ADAM17: variants seen among roughly 807,000 people sequenced by gnomAD.
The protein encoded by ADAM17 is ADAM metallopeptidase domain 17.
Under a neutral mutation model 96.7 loss-of-function variants are expected in ADAM17, and 39 were observed. The ratio of observed to expected loss-of-function variants is 0.40; its 90% CI spans 0.31 to 0.53. The LOEUF (loss-of-function observed/expected upper bound fraction) is 0.53, where lower values mean the gene tolerates loss of function less well. Among genes scored for constraint, ADAM17 ranks in the 20% least tolerant of loss-of-function variants. The pLI, the probability that ADAM17 is intolerant of heterozygous loss-of-function variation, is 0.44. For missense variants in ADAM17, 777 were observed against 1,013.2 expected (o/e 0.77, Z 3.17); for synonymous variants, 344 against 359.2 (o/e 0.96, Z 0.48).
rs1572866131 is a variant in ADAM17 at position 9,489,744 on chromosome 2, A to C, written c.*433T>G. On this transcript the variant is annotated 3_prime_UTR_variant, in exon 19 of 19. Transcript: ENST00000310823. ...TGAAGGCAAAAAAAAAAAAAAAAAA[A>C]AAAAACTATTCCAGTTGTCATCACA... The C allele has an allele frequency of 6.6e-6, 1 of 151,226 alleles. No individual in the cohort carries two copies. Among genetic ancestry groups the C allele is most frequent in the Non-Finnish European group, 1.5e-5 (1 of 68,142 alleles). The allele number at this position is 151,226 out of a possible 1,614,324, so 9.4% of individuals were successfully genotyped here. A position where few individuals can be genotyped will look rare whatever the true frequency, so the allele number is the denominator to read the frequency against.
intron 6 of ADAM17, among the ~76,000 whole-genome samples, chr2:9,523,727 C>T (rs1019712077): frequency 2.6e-5 from 4 of 152,190 alleles, no homozygotes; most frequent in African/African-American, 7.2e-5. Flanking sequence ...CAAGTGTCCA[C>T]TTACATATGG....
chr2:9,544,504 G>A (rs1558526174), intron 1 of ADAM17, among the ~76,000 whole-genome samples: 2 of 151,448 alleles, frequency 1.3e-5, no homozygotes, highest in Non-Finnish European at 1.5e-5. Flanking sequence ...TAGCCTGGGC[G>A]ACAGAGCAAG....
chr2:9,495,860 C>CT (rs34087915), intron 14 of ADAM17, among the ~76,000 whole-genome samples: 510 of 138,658 alleles, frequency 3.7e-3, no homozygotes, highest in East Asian at 8.1e-3. Flanking sequence ...TACGTGTTAC[C>CT]TTTTTTTTTT....
At chr2:9,531,556 G>T (rs759886214) in intron 4 of ADAM17, among the ~76,000 whole-genome samples, 18 of 152,022 alleles carry the variant, frequency 1.2e-4, no homozygotes, top group Non-Finnish European at 2.2e-4. Flanking sequence ...ATAAAAACTA[G>T]CCGGGCACAG....
intron 2 of ADAM17, among the ~76,000 whole-genome samples, chr2:9,542,731 C>G (rs1665257859): frequency 6.6e-6 from 1 of 152,314 alleles, no homozygotes; most frequent in South Asian, 2.1e-4. Flanking sequence ...CAGAGTCTCA[C>G]TCTGTTGCCC....
intron 13 of ADAM17, 62 bp downstream of exon 13, chr2:9,502,111 T>C: frequency 7.1e-7 from 1 of 1,416,796 alleles, no homozygotes; most frequent in Non-Finnish European, 9.9e-7. Flanking sequence ...CATAATCTTG[T>C]TTTTCAAAGA....
At chr2:9,551,681 G>A (rs4464249) in intron 1 of ADAM17, among the ~76,000 whole-genome samples, 9,720 of 152,142 alleles carry the variant, frequency 0.064, 1,098 homozygotes, top group African/African-American at 0.22. Flanking sequence ...GGATGGTCTC[G>A]ATCTCCTGAC....
In ADAM17 at chr2:9,502,242, A is replaced by G. The variant is rs779339431; in HGVS notation, c.1579T>C (p.Phe527Leu). Residue 527 changes from phenylalanine (F) to leucine (L), a missense_variant, in exon 13 of 19, where the codon TTT becomes CTT. Phe to Leu is a conservative substitution (Grantham distance 22, BLOSUM62 0). Around this residue, in one of 3 missense-constraint regions of ADAM17, gnomAD observed 446 missense variants for 664.7 expected, o/e 0.67. Coordinates refer to ENST00000310823, the MANE Select transcript of ADAM17 (RefSeq NM_003183.6). Reference sequence around the variant, plus strand: ...TGGCACTTCTTCTGGGCAGTCTCAAACTGACAGTTTTTACAGCAAGGACTG... The same window carrying G: ...TGGCACTTCTTCTGGGCAGTCTCAAGCTGACAGTTTTTACAGCAAGGACTG... Reference protein sequence around the residue: ...RNSPCCKNCQFETAQKKCQEA... With the variant: ...RNSPCCKNCQLETAQKKCQEA... 1 of 1,614,026 alleles carries G rather than the reference A, an allele frequency of 6.2e-7. No individual in the cohort carries two copies. The highest frequency in any genetic ancestry group is 8.5e-7 in the Non-Finnish European group (1 of 1,180,014).
rs370096438 is a variant in ADAM17 at position 9,536,129 on chromosome 2, C to T, written c.362-207G>A. ...TCAAGTTTAGTCACTTGAAACCTAT[C>T]CCTTTCCCAAAACAAACAAAACTGC... On this transcript the variant is annotated intron_variant, in intron 3 of 18. Coordinates refer to ENST00000310823, the MANE Select transcript of ADAM17 (RefSeq NM_003183.6). Among the ~76,000 whole-genome samples the T allele has an allele frequency of 8.2e-4, 125 of 152,208 alleles. 2 individuals are homozygous for T. In the South Asian group the frequency reaches 0.013, roughly 16 times the overall value.
At chr2:9,533,146 G>A (rs1294934926) in intron 4 of ADAM17, among the ~76,000 whole-genome samples, 2 of 151,796 alleles carry the variant, frequency 1.3e-5, no homozygotes, top group East Asian at 1.9e-4. Flanking sequence ...CCGAGATCGC[G>A]CCATTGCACT....
intron 1 of ADAM17, among the ~76,000 whole-genome samples, chr2:9,551,442 T>C (rs1237556498): frequency 2.0e-5 from 3 of 152,190 alleles, no homozygotes; most frequent in Admixed American, 1.3e-4. Context: ...AGTCTAAATA[T>C]AAAATTCATT....
intron 2 of ADAM17, 45 bp downstream of exon 2, chr2:9,543,108 A>C: frequency 6.6e-7 from 1 of 1,515,882 alleles, no homozygotes. Context: ...TTGCCAAACC[A>C]AGCCCCCAGT....
chr2:9,502,384 C>T (rs1424235423), intron 12 of ADAM17, 108 bp from the exon 13 acceptor site: 1 of 920,052 alleles, frequency 1.1e-6, no homozygotes, highest in Non-Finnish European at 1.7e-6. Flanking sequence ...GGGAAGACCT[C>T]CTGGCTCCGT....
At chr2:9,510,201 T>G in intron 10 of ADAM17, 70 bp from the exon 11 acceptor site, 2 of 1,528,778 alleles carry the variant, frequency 1.3e-6, no homozygotes, top group Non-Finnish European at 1.8e-6. Context: ...CAGTTGGGCC[T>G]ATGCTGTCTT....
chr2:9,525,204 CAGG>C (rs1664469894), intron 6 of ADAM17, among the ~76,000 whole-genome samples: 1 of 149,564 alleles, frequency 6.7e-6, no homozygotes, highest in Non-Finnish European at 1.5e-5. Flanking sequence ...GATGCTGAGG[CAGG>C]AGAATTGCTT....
chr2:9,518,032 A>G, intron 9 of ADAM17, 43 bp from the exon 10 acceptor site: 2 of 1,576,764 alleles, frequency 1.3e-6, no homozygotes, highest in Non-Finnish European at 1.7e-6. Context: ...TATTAAATAC[A>G]GAATTATAAT....
At position 9,523,256 on chromosome 2, in the gene ADAM17, A is replaced by C; in HGVS notation, c.836T>G (p.Ile279Arg). 6.2e-7 allele frequency: 1 copy of C among 1,606,236 alleles called. No homozygotes were observed. The highest frequency in any genetic ancestry group is 8.5e-7 in the Non-Finnish European group (1 of 1,173,994). ...NAGFKGYGIQ[I>R]EQIRILKSPQ... ...ATATCTATTGATAAATACCTGCTCT[A>C]TCTGTATTCCATAGCCTTTAAAACC... The change falls in exon 7 of 19, where the codon ATA (isoleucine) becomes AGA (arginine). Residue 279 changes from isoleucine (I) to arginine (R), a missense_variant. Coordinates refer to ENST00000310823, the MANE Select transcript of ADAM17 (RefSeq NM_003183.6).
At chr2:9,502,438 C>T (rs1365387994) in intron 12 of ADAM17, among the ~76,000 whole-genome samples, 162 bp from the exon 13 acceptor site, 1 of 152,198 alleles carries the variant, frequency 6.6e-6, no homozygotes, top group Non-Finnish European at 1.5e-5. Context: ...CTAGAGCTAC[C>T]TGCACACACT....
chr2:9,526,162 G>A lies in ADAM17; in HGVS notation c.702C>T (p.Arg234=), dbSNP rs763677117. ...TCKLLVVADH[R]FYRYMGRGEE... is the part of the protein sequence containing the mutation. The stretch of plus-strand genomic sequence containing the variant: ...CCCCTCTGCCCATGTATCTGTAGAA[G>A]CGATGATCTGCTACCACCAATAATT... The change falls in exon 6 of 19, where the codon CGC becomes CGT. Residue 234 remains arginine (R), a synonymous_variant. Transcript: ENST00000310823. The A allele has an allele frequency of 6.2e-7, 1 of 1,613,690 alleles. No individual in the cohort carries two copies. Among genetic ancestry groups the A allele is most frequent in the Non-Finnish European group, 8.5e-7 (1 of 1,179,734 alleles).
Sources: allele counts gnomAD v4.1 joint callset (sites outside exome capture counted in the v4.1 genomes callset), GRCh38; gene constraint gnomAD v4.1.1; regional missense constraint gnomAD v4.1.1; transcripts MANE v1.5; gene names NCBI Gene and HGNC (gene_info 2026-07-23, HGNC 2026-07-21).